The following CADM1 variants were observed in gnomAD, a reference collection of about 807,000 sequenced individuals.
The protein encoded by CADM1 is cell adhesion molecule 1, also known as TSLC-1.
A neutral mutation model predicts 53.1 loss-of-function variants in CADM1; 15 were observed. That is an observed-to-expected ratio of 0.28 (90% CI 0.19 to 0.44). The LOEUF is 0.44. CADM1 is among the 20% of genes least tolerant of loss of function. The probability of loss-of-function intolerance (pLI) is 1.00; values close to 1 mark genes in which losing one functional copy is unlikely to be tolerated. For missense variants in CADM1, 434 were observed against 611.3 expected (o/e 0.71, Z 3.06); for synonymous variants, 281 against 243.0 (o/e 1.16, Z -1.45).
intron 1 of CADM1, among the ~76,000 whole-genome samples, chr11:115,287,728 T>C (rs752729162): frequency 2.6e-5 from 4 of 152,290 alleles, no homozygotes; most frequent in East Asian, 3.9e-4. Context: ...GTGAAATGGA[T>C]CATCAGAAAG....
chr11:115,199,339 G>T (rs1453417913), intron 8 of CADM1, among the ~76,000 whole-genome samples: 1 of 152,198 alleles, frequency 6.6e-6, no homozygotes, highest in Non-Finnish European at 1.5e-5. Flanking sequence ...GAGTAGGAGA[G>T]AGTGCAGTTT....
chr11:115,406,326 T>C (rs1947311429), intron 1 of CADM1, among the ~76,000 whole-genome samples: 1 of 151,860 alleles, frequency 6.6e-6, no homozygotes, highest in Non-Finnish European at 1.5e-5. Context: ...ATATAAAAGA[T>C]GTTAAGATGT....
chr11:115,276,362 T>A (rs1169736135), intron 1 of CADM1, among the ~76,000 whole-genome samples: 1 of 152,170 alleles, frequency 6.6e-6, no homozygotes. Flanking sequence ...AAGTCACATG[T>A]GTGGGCATTT....
intron 1 of CADM1, among the ~76,000 whole-genome samples, chr11:115,388,169 GAGTCTATA>G (rs1946746129): frequency 6.6e-6 from 1 of 152,072 alleles, no homozygotes; most frequent in South Asian, 2.1e-4. Flanking sequence ...CTAAAAAGGG[GAGTCTATA>G]AGTCAATACG....
intron 8 of CADM1, among the ~76,000 whole-genome samples, chr11:115,199,101 TAC>T (rs764092617): frequency 6.6e-6 from 1 of 151,828 alleles, no homozygotes; most frequent in Admixed American, 6.6e-5. Context: ...TTAGTTTCTA[TAC>T]ACACACACAC....
At chr11:115,321,185 AC>A (rs1944816451) in intron 1 of CADM1, among the ~76,000 whole-genome samples, 1 of 152,206 alleles carries the variant, frequency 6.6e-6, no homozygotes, top group Non-Finnish European at 1.5e-5. Context: ...AAAGAATCTG[AC>A]CTAGGCAGTC....
At chr11:115,334,456 A>G (rs1945212065) in intron 1 of CADM1, among the ~76,000 whole-genome samples, 2 of 145,936 alleles carry the variant, frequency 1.4e-5, no homozygotes, top group South Asian at 4.3e-4. Flanking sequence ...ATTGATGAGT[A>G]CAGTACTCAT....
chr11:115,437,958 G>T (rs1948220776), intron 1 of CADM1, among the ~76,000 whole-genome samples: 1 of 152,144 alleles, frequency 6.6e-6, no homozygotes. Context: ...GTAGCTTTAA[G>T]GCTCCACATG....
At chr11:115,474,601 A>T (rs944418093) in intron 1 of CADM1, among the ~76,000 whole-genome samples, 2 of 151,184 alleles carry the variant, frequency 1.3e-5, no homozygotes, top group Non-Finnish European at 2.9e-5. Context: ...CACAAGGACA[A>T]AAAACCAAAC....
At chr11:115,219,807 AAC>A (rs1189448699) in intron 5 of CADM1, among the ~76,000 whole-genome samples, 4 of 152,220 alleles carry the variant, frequency 2.6e-5, no homozygotes, top group African/African-American at 9.6e-5. Flanking sequence ...GTAGTCGTGT[AAC>A]ACACACACAC....
chr11:115,353,085 A>G (rs2105982), intron 1 of CADM1, among the ~76,000 whole-genome samples: 48,998 of 152,132 alleles, frequency 0.32, 9,001 homozygotes, highest in Non-Finnish European at 0.43. Context: ...TTTGAGTTTG[A>G]TAATTTCTAT....
intron 1 of CADM1, among the ~76,000 whole-genome samples, chr11:115,500,043 C>A (rs926263370): frequency 1.3e-5 from 2 of 152,118 alleles, no homozygotes; most frequent in African/African-American, 2.4e-5. Flanking sequence ...TTGCTTCCAA[C>A]TCAAAGCAGC....
At chr11:115,451,498 T>C (rs1591256869) in intron 1 of CADM1, among the ~76,000 whole-genome samples, 2 of 152,312 alleles carry the variant, frequency 1.3e-5, no homozygotes, top group East Asian at 1.9e-4. Flanking sequence ...AAAAAGGACA[T>C]AGGTAGCAAT....
At chr11:115,446,324 A>C (rs1948450405) in intron 1 of CADM1, among the ~76,000 whole-genome samples, 1 of 152,022 alleles carries the variant, frequency 6.6e-6, no homozygotes, top group Non-Finnish European at 1.5e-5. Flanking sequence ...CTGAGGTGCT[A>C]AGATTCCAAC....
At chr11:115,338,892 A>ATTTTTTT (rs10577568) in intron 1 of CADM1, among the ~76,000 whole-genome samples, 3 of 132,730 alleles carry the variant, frequency 2.3e-5, no homozygotes, top group Non-Finnish European at 3.2e-5. Flanking sequence ...TTTTTTTTTA[A>ATTTTTTT]TTTTTTTTTT....
At chr11:115,358,787 C>G (rs1945947972) in intron 1 of CADM1, among the ~76,000 whole-genome samples, 1 of 152,174 alleles carries the variant, frequency 6.6e-6, no homozygotes, top group Non-Finnish European at 1.5e-5. Context: ...ATCTCTCCAC[C>G]TAAATTCATC....
chr11:115,208,441 C>G (rs1218628286), intron 8 of CADM1, among the ~76,000 whole-genome samples: 1 of 152,076 alleles, frequency 6.6e-6, no homozygotes, highest in African/African-American at 2.4e-5. Flanking sequence ...GGAAATGTCT[C>G]TAGCATGTCA....
chr11:115,242,653 G>T (rs557132917), intron 1 of CADM1, among the ~76,000 whole-genome samples: 1 of 152,158 alleles, frequency 6.6e-6, no homozygotes, highest in Non-Finnish European at 1.5e-5. Flanking sequence ...GAGTAGACAA[G>T]AATACCAAAC....
At chr11:115,368,018 A>T (rs1396072313) in intron 1 of CADM1, among the ~76,000 whole-genome samples, 1 of 151,618 alleles carries the variant, frequency 6.6e-6, no homozygotes, top group Non-Finnish European at 1.5e-5. Context: ...ATTATAGAAC[A>T]TATTTAATTT....
Sources: gnomAD v4.1 joint callset for allele counts (sites outside exome capture counted in the v4.1 genomes callset) on GRCh38, gnomAD v4.1.1 for gene constraint, MANE v1.5 for transcripts, NCBI Gene and HGNC (gene_info 2026-07-23, HGNC 2026-07-21) for gene names.